The following STYXL2 variants were observed in gnomAD, a reference collection of about 807,000 sequenced individuals.
STYXL2 encodes the protein serine/threonine/tyrosine interacting like 2.
Under a neutral mutation model 52.4 loss-of-function variants are expected in STYXL2, and 44 were observed. The observed-to-expected ratio is 0.84, with a 90% CI of 0.66 to 1.08. The LOEUF (loss-of-function observed/expected upper bound fraction) is 1.08. STYXL2 is among the 50% of genes least tolerant of loss of function. The pLI is 0.00. For missense variants in STYXL2, 1,604 were observed against 1,471.7 expected (o/e 1.09, Z -1.47); for synonymous variants, 604 against 586.9 (o/e 1.03, Z -0.42).
chr1:167,116,576 A>G (rs1667726257), intron 3 of STYXL2, among the ~76,000 whole-genome samples: 1 of 152,168 alleles, frequency 6.6e-6, no homozygotes, highest in African/African-American at 2.4e-5. Context: ...AAAAGAGTCA[A>G]ACTAACAGAG....
chr1:167,097,455 G>A (rs1473651077), intron 2 of STYXL2, among the ~76,000 whole-genome samples: 3 of 152,108 alleles, frequency 2.0e-5, no homozygotes, highest in Non-Finnish European at 2.9e-5. Flanking sequence ...TTTTGTCTCC[G>A]TTTAATGATA....
intron 4 of STYXL2, among the ~76,000 whole-genome samples, chr1:167,118,690 A>C (rs960613476): frequency 6.6e-6 from 1 of 152,208 alleles, no homozygotes; most frequent in Non-Finnish European, 1.5e-5. Context: ...CTAGAAATCT[A>C]AAACACTAGT....
intron 2 of STYXL2, among the ~76,000 whole-genome samples, chr1:167,109,241 G>T (rs774904546): frequency 3.2e-4 from 49 of 152,210 alleles, no homozygotes; most frequent in Admixed American, 2.6e-4. Context: ...TAGTGGCAGG[G>T]CCTGAAAGCT....
At chr1:167,123,064 C>A (rs991625921) in intron 5 of STYXL2, among the ~76,000 whole-genome samples, 2 of 152,216 alleles carry the variant, frequency 1.3e-5, no homozygotes, top group Non-Finnish European at 2.9e-5. Flanking sequence ...CTACCTTCCT[C>A]AAACCATTTT....
intron 1 of STYXL2, among the ~76,000 whole-genome samples, 192 bp from the exon 2 acceptor site, chr1:167,094,642 C>T (rs898161440): frequency 4.6e-5 from 7 of 151,994 alleles, no homozygotes; most frequent in African/African-American, 1.2e-4. Flanking sequence ...CCTAATATGG[C>T]GGGGTGCACT....
intron 2 of STYXL2, among the ~76,000 whole-genome samples, chr1:167,095,423 A>G (rs762618317): frequency 6.6e-6 from 1 of 152,076 alleles, no homozygotes; most frequent in Non-Finnish European, 1.5e-5. Flanking sequence ...TTTTTTATCC[A>G]TAATCAAGCT....
At chr1:167,109,261 T>C (rs1667568419) in intron 2 of STYXL2, among the ~76,000 whole-genome samples, 1 of 152,188 alleles carries the variant, frequency 6.6e-6, no homozygotes, top group Admixed American at 6.5e-5. Flanking sequence ...TCTGCTTGCT[T>C]TCTCCTCAGG....
chr1:167,121,000 T>C (rs1283291130), intron 5 of STYXL2, among the ~76,000 whole-genome samples: 1 of 143,810 alleles, frequency 7.0e-6, no homozygotes, highest in East Asian at 2.1e-4. Context: ...TCTCCTTTTT[T>C]CAATGCTTAA....
At position 167,126,969 on chromosome 1, in the gene STYXL2, A is replaced by AG; in HGVS notation, c.1843dup (p.Glu615GlyfsTer7). 6.2e-7 allele frequency: 1 copy of AG among 1,610,544 alleles called. No individual in the cohort carries two copies. The highest frequency in any genetic ancestry group is 8.5e-7 in the Non-Finnish European group (1 of 1,178,298). The stretch of plus-strand genomic sequence containing the variant: ...AAGGAGGAGGTGGTGGAGCTCAGCA[A>AG]GGGGGAGGACTCGGCCTTGGCTAAG... On this transcript the variant is annotated frameshift_variant, in exon 6 of 6. Coordinates refer to ENST00000361200, the MANE Select transcript of STYXL2 (RefSeq NM_001080426.3). LOFTEE classifies it low-confidence loss of function (END_TRUNC).
At chr1:167,118,869 T>G (rs150261350) in intron 4 of STYXL2, among the ~76,000 whole-genome samples, 1 of 152,220 alleles carries the variant, frequency 6.6e-6, no homozygotes, top group Non-Finnish European at 1.5e-5. Flanking sequence ...AATTATAGCA[T>G]GCCATATTAA....
chr1:167,127,403 C>T lies in STYXL2; in HGVS notation c.2272C>T (p.Pro758Ser), dbSNP rs201795536. 4.0e-5 allele frequency: 65 copies of T among 1,614,136 alleles called. No individual in the cohort carries two copies. In the Middle Eastern group the frequency reaches 6.6e-4, roughly 16 times the overall value. The change falls in exon 6 of 6, where the codon CCA becomes TCA. Residue 758 changes from proline to serine, a missense_variant. By Grantham distance (74) the Pro-to-Ser change is moderately conservative. Transcript: ENST00000361200. ...GTCTGTTGCAAGCATGAAGGCAGTACCAGCGGCTAGCTGCCTGGGGGATGA... is the reference window on the plus strand; with the variant it reads ...GTCTGTTGCAAGCATGAAGGCAGTATCAGCGGCTAGCTGCCTGGGGGATGA... The part of the protein sequence containing the change: ...SPSVASMKAV[P>S]AASCLGDDQV...
In STYXL2 at chr1:167,128,177, A is replaced by G; in HGVS notation, c.3046A>G (p.Arg1016Gly). The G allele has an allele frequency of 1.2e-6, 2 of 1,614,242 alleles. No homozygotes were observed. Among genetic ancestry groups the G allele is most frequent in the Non-Finnish European group, 1.7e-6 (2 of 1,180,048 alleles). ...RFSSSSTREG[R>G]EMHKFSRSTY... ...CTCATCTTCCTCCACCAGGGAGGGC[A>G]GAGAGATGCACAAGTTCTCCAGGTC... Residue 1016 changes from arginine to glycine, a missense_variant, in exon 6 of 6, where the codon AGA (arginine) becomes GGA (glycine). Transcript: ENST00000361200.
At chr1:167,110,038 C>T (rs1445175505) in intron 2 of STYXL2, among the ~76,000 whole-genome samples, 1 of 152,184 alleles carries the variant, frequency 6.6e-6, no homozygotes, top group East Asian at 1.9e-4. Flanking sequence ...AGGTCGATCA[C>T]ATCACAGGAT....
In STYXL2 at chr1:167,128,918, G is replaced by A; in HGVS notation, c.*310G>A. The A allele has an allele frequency of 1.0e-5, 3 of 286,146 alleles. No homozygotes were observed. Among genetic ancestry groups the A allele is most frequent in the Non-Finnish European group, 2.0e-5 (3 of 152,872 alleles). 17.7% of individuals were successfully genotyped at this position (286,146 alleles called of 1,614,324 possible). On this transcript the variant is annotated 3_prime_UTR_variant, in exon 6 of 6. Coordinates refer to ENST00000361200, the MANE Select transcript of STYXL2 (RefSeq NM_001080426.3). ...GGCAGTGTTCATCACAGGCTAGAGA[G>A]GTGAGCTTGGAAAAGCACTGTAGTT... is the stretch of plus-strand genomic sequence containing the variant.
At position 167,117,426 on chromosome 1, in the gene STYXL2, G is replaced by A; in HGVS notation, c.304G>A (p.Glu102Lys). 1 of 1,612,800 alleles carries A rather than the reference G, an allele frequency of 6.2e-7. No homozygotes were observed. The highest frequency in any genetic ancestry group is 8.5e-7 in the Non-Finnish European group (1 of 1,179,512). The change falls in exon 4 of 6, where the codon GAG becomes AAG. Residue 102 changes from glutamate to lysine, a missense_variant. Glu to Lys is a moderately conservative substitution (Grantham distance 56, BLOSUM62 1). Coordinates refer to ENST00000361200, the MANE Select transcript of STYXL2 (RefSeq NM_001080426.3). ...GGAGGACCTGTACAACCGCGTCAGG[G>A]AGAAGATGGATGACACCAGCCTCTA... ...LVEDLYNRVR[E>K]KMDDTSLYNT...
In STYXL2 at chr1:167,127,908, G is replaced by C. The variant is rs746898487; in HGVS notation, c.2777G>C (p.Arg926Thr). The C allele has an allele frequency of 3.1e-6, 5 of 1,614,166 alleles. No individual in the cohort carries two copies. Among genetic ancestry groups the C allele is most frequent in the Non-Finnish European group, 4.2e-6 (5 of 1,180,032 alleles). ...AVCDHYASGS[R>T]VGKEMDSSIN... is the part of the protein sequence containing the mutation. Reference sequence around the variant, plus strand: ...TGTGATCACTATGCAAGTGGCAGCAGAGTTGGCAAAGAGATGGATAGCAGT... The same window carrying C: ...TGTGATCACTATGCAAGTGGCAGCACAGTTGGCAAAGAGATGGATAGCAGT... The change falls in exon 6 of 6, where the codon AGA (arginine) becomes ACA (threonine). Residue 926 changes from arginine to threonine, a missense_variant. Coordinates refer to ENST00000361200, the MANE Select transcript of STYXL2 (RefSeq NM_001080426.3).
At position 167,128,250 on chromosome 1, in the gene STYXL2, A is replaced by G. The variant is rs1414410362; in HGVS notation, c.3119A>G (p.Tyr1040Cys). ...SSSREESPEP[Y>C]FFRRTPESSE... is the part of the protein sequence containing the mutation. Reference sequence around the variant, plus strand: ...TCCCGAGAGGAGAGCCCAGAGCCCTACTTCTTCCGCCGGACCCCAGAGTCC... The same window carrying G: ...TCCCGAGAGGAGAGCCCAGAGCCCTGCTTCTTCCGCCGGACCCCAGAGTCC... The change falls in exon 6 of 6, where the codon TAC becomes TGC. Residue 1040 changes from tyrosine to cysteine, a missense_variant. Physicochemically the swap from Tyr to Cys is radical, Grantham distance 194. Coordinates refer to ENST00000361200, the MANE Select transcript of STYXL2 (RefSeq NM_001080426.3). The G allele has an allele frequency of 4.3e-6, 7 of 1,614,030 alleles. No homozygotes were observed. In the African/African-American group the frequency reaches 9.3e-5, roughly 22 times the overall value.
rs149834209 is a variant in STYXL2, at chr1:167,126,787, C to A, written c.1656C>A (p.Ile552=). Residue 552 remains isoleucine, a synonymous_variant, in exon 6 of 6, where the codon ATC becomes ATA. Coordinates refer to ENST00000361200, the MANE Select transcript of STYXL2 (RefSeq NM_001080426.3). ...TALERWKIKR[I]QFGFHKKDLG... ...TGGAAAGATGGAAGATCAAGAGAAT[C>A]CAATTTGGATTTCACAAGAAAGACT... is the stretch of plus-strand genomic sequence containing the variant. 3.6e-4 allele frequency: 584 copies of A among 1,614,170 alleles called. 1 individual carries two copies. The African/African-American group carries it at 6.8e-3, about 19-fold the overall frequency.
At chr1:167,108,108 T>C (rs528177328) in intron 2 of STYXL2, among the ~76,000 whole-genome samples, 1 of 152,234 alleles carries the variant, frequency 6.6e-6, no homozygotes, top group Non-Finnish European at 1.5e-5. Flanking sequence ...TTGGAAATCA[T>C]CAGGTTTGAT....
Sources: allele counts gnomAD v4.1 joint callset (sites outside exome capture counted in the v4.1 genomes callset), GRCh38; gene constraint gnomAD v4.1.1; transcripts MANE v1.5; gene names NCBI Gene and HGNC (gene_info 2026-07-23, HGNC 2026-07-21).